Variants in GATM observed in about 807,000 individuals in gnomAD.
GATM encodes glycine amidinotransferase, mitochondrial.
A neutral mutation model predicts 54.2 loss-of-function variants in GATM; 23 were observed. That is an observed-to-expected ratio of 0.42 (90% CI 0.31 to 0.60). The LOEUF (loss-of-function observed/expected upper bound fraction) is 0.60, where lower values mean the gene tolerates loss of function less well. Ranked by LOEUF, GATM falls within the 20% of genes least tolerant of loss-of-function variation. GATM has a pLI of 0.14. For missense variants in GATM, 401 were observed against 544.9 expected (o/e 0.74, Z 2.63); for synonymous variants, 168 against 183.1 (o/e 0.92, Z 0.67).
rs1358762899 is a variant in GATM at position 45,378,522 on chromosome 15, C to T, written c.-69G>A. The T allele has an allele frequency of 2.4e-6, 3 of 1,250,694 alleles. No homozygotes were observed. The highest frequency in any genetic ancestry group is 3.2e-5 in the East Asian group (1 of 31,312). 77.5% of individuals were successfully genotyped at this position (1,250,694 alleles called of 1,614,324 possible). ...TGGGCCGCGTCGGTCCAAGCCTTCC[C>T]GAGAGCGCGCCCGGAGCGGGGTGGG... On this transcript the variant is annotated 5_prime_UTR_variant, in exon 1 of 9. Coordinates refer to ENST00000396659, the MANE Select transcript of GATM (RefSeq NM_001482.3).
intron 3 of GATM, among the ~76,000 whole-genome samples, chr15:45,395,626 T>C (rs575187490): frequency 3.3e-5 from 5 of 152,190 alleles, no homozygotes; most frequent in African/African-American, 4.8e-5. Flanking sequence ...TGGACAGTGC[T>C]ACAGGACCTC....
At chr15:45,362,486 C>A (rs574091491) in intron 8 of GATM, among the ~76,000 whole-genome samples, 1 of 152,292 alleles carries the variant, frequency 6.6e-6, no homozygotes, top group East Asian at 1.9e-4. Flanking sequence ...ATGTACCTAC[C>A]AAATGTTCAA....
chr15:45,363,675 TTG>T (rs1889401896), intron 8 of GATM: 5 of 587,834 alleles, frequency 8.5e-6, no homozygotes, highest in Non-Finnish European at 1.2e-5. Context: ...TATAAACTTA[TTG>T]TTAAGGGGAT....
intron 1 of GATM, among the ~76,000 whole-genome samples, chr15:45,400,774 C>T (rs1488627837): frequency 6.6e-6 from 1 of 152,196 alleles, no homozygotes; most frequent in Non-Finnish European, 1.5e-5. Flanking sequence ...AGTAAATCTA[C>T]TAACTCTTTT....
At chr15:45,363,277 C>A (rs1241130268) in intron 8 of GATM, among the ~76,000 whole-genome samples, 1 of 152,140 alleles carries the variant, frequency 6.6e-6, no homozygotes, top group African/African-American at 2.4e-5. Context: ...AAAATACACA[C>A]ACACACCCCT....
chr15:45,379,448 G>C (rs1180514945), upstream of GATM: 6 of 152,188 alleles, frequency 3.9e-5, no homozygotes, highest in Admixed American at 3.3e-4. Context: ...TCTCAAGCTT[G>C]TTTTCCAGAG....
intron 4 of GATM, among the ~76,000 whole-genome samples, chr15:45,366,932 T>G (rs1028368706): frequency 6.6e-6 from 1 of 152,198 alleles, no homozygotes; most frequent in Non-Finnish European, 1.5e-5. Flanking sequence ...TTAAACTTTA[T>G]CATAGGTATG....
intron 1 of GATM, 119 bp downstream of exon 1, chr15:45,378,266 C>A: frequency 1.3e-6 from 1 of 748,450 alleles, no homozygotes; most frequent in South Asian, 1.7e-5. Context: ...TCGTGCAATT[C>A]CGGCTAGGGA....
rs1051024728 is a variant in GATM, at chr15:45,366,642, C to T, written c.676-134G>A. 7 of 969,974 alleles carry T rather than the reference C, an allele frequency of 7.2e-6. No individual in the cohort carries two copies. In the African/African-American group the frequency reaches 1.1e-4, roughly 16 times the overall value. The allele number at this position is 969,974 out of a possible 1,614,324, so 60.1% of individuals were successfully genotyped here. A position where few individuals can be genotyped will look rare whatever the true frequency, so the allele number is the denominator to read the frequency against. Reference sequence around the variant, plus strand: ...CTACTCAGTTCTAGACTAAAACATGCCTGGGAAAGAAGCGGGTCCATGATA... The same window carrying T: ...CTACTCAGTTCTAGACTAAAACATGTCTGGGAAAGAAGCGGGTCCATGATA... On this transcript the variant is annotated intron_variant, in intron 4 of 8. Transcript: ENST00000396659.
intron 3 of GATM, among the ~76,000 whole-genome samples, chr15:45,388,036 C>T (rs961858676): frequency 6.6e-6 from 1 of 152,102 alleles, no homozygotes; most frequent in African/African-American, 2.4e-5. Context: ...AAATTAAAGA[C>T]AGAATCTTGC....
chr15:45,395,851 T>TA (rs750115086), intron 3 of GATM, among the ~76,000 whole-genome samples: 21 of 149,322 alleles, frequency 1.4e-4, no homozygotes, highest in South Asian at 1.3e-3. Flanking sequence ...ACAGAATGAA[T>TA]AAAAAAAAAA....
chr15:45,394,058 G>C (rs887970977), intron 3 of GATM, among the ~76,000 whole-genome samples: 7 of 152,160 alleles, frequency 4.6e-5, no homozygotes, highest in African/African-American at 1.7e-4. Flanking sequence ...AATCAGGAGG[G>C]AGTAGAGCAG....
At chr15:45,390,514 A>C (rs1389702670) in intron 3 of GATM, among the ~76,000 whole-genome samples, 1 of 152,218 alleles carries the variant, frequency 6.6e-6, no homozygotes, top group African/African-American at 2.4e-5. Flanking sequence ...TCAAAATGAC[A>C]ATAAGCTAGT....
At chr15:45,390,513 C>T (rs1160019467) in intron 3 of GATM, among the ~76,000 whole-genome samples, 3 of 152,172 alleles carry the variant, frequency 2.0e-5, no homozygotes, top group Non-Finnish European at 4.4e-5. Context: ...ATCAAAATGA[C>T]AATAAGCTAG....
At chr15:45,401,130 G>C (rs1282058777) in intron 1 of GATM, among the ~76,000 whole-genome samples, 1 of 152,148 alleles carries the variant, frequency 6.6e-6, no homozygotes, top group East Asian at 1.9e-4. Flanking sequence ...AATTGTTCCA[G>C]AATCGATTTA....
intron 3 of GATM, among the ~76,000 whole-genome samples, chr15:45,395,216 C>T (rs1231438282): frequency 6.6e-6 from 1 of 152,182 alleles, no homozygotes; most frequent in Non-Finnish European, 1.5e-5. Flanking sequence ...GTTTCTGGCT[C>T]AGTCCCCAAG....
chr15:45,362,333 C>T, intron 8 of GATM, 112 bp from the exon 9 acceptor site: 1 of 716,932 alleles, frequency 1.4e-6, no homozygotes, highest in Non-Finnish European at 2.5e-6. Flanking sequence ...TTAAGGATAC[C>T]CAACCCAGAA....
At chr15:45,374,272 A>C (rs1163276815) in intron 2 of GATM, among the ~76,000 whole-genome samples, 2 of 152,232 alleles carry the variant, frequency 1.3e-5, no homozygotes, top group Non-Finnish European at 1.5e-5. Flanking sequence ...AAGTCCATGA[A>C]ATGACAAAGT....
chr15:45,372,295 T>A (rs1889557507), intron 2 of GATM, among the ~76,000 whole-genome samples: 1 of 152,220 alleles, frequency 6.6e-6, no homozygotes, highest in Non-Finnish European at 1.5e-5. Flanking sequence ...AAGATGAAGT[T>A]TGCTGACGCC....
Sources: allele counts gnomAD v4.1 joint callset (sites outside exome capture counted in the v4.1 genomes callset), GRCh38; gene constraint gnomAD v4.1.1; transcripts MANE v1.5; gene names NCBI Gene and HGNC (gene_info 2026-07-23, HGNC 2026-07-21).